The following ERBB4 variants were observed in gnomAD, a reference collection of about 807,000 sequenced individuals.
ERBB4 encodes the protein receptor tyrosine-protein kinase erbB-4.
ERBB4 carries 42 observed loss-of-function variants against 158.0 expected under a neutral mutation model. That is an observed-to-expected ratio of 0.27 (90% confidence interval 0.21 to 0.34). The LOEUF is 0.34. Ranked by LOEUF, ERBB4 falls within the 10% of genes least tolerant of loss-of-function variation. ERBB4 has a pLI of 1.00. For missense variants in ERBB4, 1,333 were observed against 1,624.1 expected (o/e 0.82, Z 3.08); for synonymous variants, 583 against 558.7 (o/e 1.04, Z -0.61).
At chr2:211,812,684 C>T (rs111786376) in intron 3 of ERBB4, among the ~76,000 whole-genome samples, 13 of 152,312 alleles carry the variant, frequency 8.5e-5, no homozygotes, top group Admixed American at 6.5e-5. Context: ...GCTGAGCTGC[C>T]GTGGGCTCCA....
chr2:211,760,007 C>T (rs1207122785), intron 4 of ERBB4, among the ~76,000 whole-genome samples: 1 of 152,058 alleles, frequency 6.6e-6, no homozygotes, highest in African/African-American at 2.4e-5. Context: ...AACTATTTTG[C>T]CTTATGAGAT....
intron 14 of ERBB4, 129 bp from the exon 15 acceptor site, chr2:211,665,606 T>C: frequency 1.2e-6 from 1 of 841,654 alleles, no homozygotes; most frequent in Non-Finnish European, 1.9e-6. Context: ...TTGGAGAACA[T>C]TTTCAGCAGT....
At chr2:212,401,400 T>A (rs1660482349) in intron 1 of ERBB4, among the ~76,000 whole-genome samples, 1 of 152,166 alleles carries the variant, frequency 6.6e-6, no homozygotes, top group Admixed American at 6.6e-5. Context: ...AATAAATGTT[T>A]TGATTAGATA....
intron 1 of ERBB4, among the ~76,000 whole-genome samples, chr2:212,299,785 G>T (rs1359585654): frequency 6.6e-6 from 1 of 151,538 alleles, no homozygotes; most frequent in Non-Finnish European, 1.5e-5. Context: ...AAAGATTGGT[G>T]AATCTTTATA....
intron 18 of ERBB4, among the ~76,000 whole-genome samples, chr2:211,623,495 G>C (rs957173424): frequency 4.6e-5 from 7 of 152,124 alleles, no homozygotes; most frequent in African/African-American, 1.7e-4. Flanking sequence ...TCCTGATGGA[G>C]AGGCGTTGGA....
At chr2:212,075,072 T>C (rs929271856) in intron 2 of ERBB4, among the ~76,000 whole-genome samples, 3 of 151,938 alleles carry the variant, frequency 2.0e-5, no homozygotes, top group Admixed American at 6.6e-5. Flanking sequence ...AACACATCTA[T>C]TCTCTTCTCA....
chr2:212,284,869 C>T (rs2085902141), intron 1 of ERBB4, among the ~76,000 whole-genome samples: 1 of 151,976 alleles, frequency 6.6e-6, no homozygotes, highest in Admixed American at 6.6e-5. Flanking sequence ...TTTATGAATA[C>T]TAAATAATTG....
intron 1 of ERBB4, among the ~76,000 whole-genome samples, chr2:212,383,847 G>A (rs1337023831): frequency 6.6e-6 from 1 of 151,588 alleles, no homozygotes; most frequent in African/African-American, 2.4e-5. Context: ...CACATGTCAG[G>A]CTTCCTAGTT....
chr2:211,839,913 T>C (rs4673637), intron 3 of ERBB4, among the ~76,000 whole-genome samples: 33,055 of 151,960 alleles, frequency 0.22, 3,725 homozygotes, highest in South Asian at 0.33. Context: ...TAAGAAGAAA[T>C]GAAACTAAGC....
At chr2:212,311,499 C>A (rs1195229722) in intron 1 of ERBB4, among the ~76,000 whole-genome samples, 4 of 150,756 alleles carry the variant, frequency 2.7e-5, no homozygotes, top group Admixed American at 6.6e-5. Context: ...AGCTATATAT[C>A]TGAATATGTC....
At chr2:212,234,824 G>GT (rs1230139608) in intron 1 of ERBB4, among the ~76,000 whole-genome samples, 24 of 152,142 alleles carry the variant, frequency 1.6e-4, no homozygotes, top group Admixed American at 5.9e-4. Context: ...TTTTTGATGG[G>GT]TTTGTTTTTT....
intron 23 of ERBB4, among the ~76,000 whole-genome samples, chr2:211,422,479 C>A (rs2063533699): frequency 7.3e-6 from 1 of 136,344 alleles, no homozygotes; most frequent in Non-Finnish European, 1.6e-5. Context: ...CTACATTTGT[C>A]CTGGTGGACA....
chr2:212,096,370 T>A (rs1231578069), intron 2 of ERBB4, among the ~76,000 whole-genome samples: 1 of 152,150 alleles, frequency 6.6e-6, no homozygotes, highest in Non-Finnish European at 1.5e-5. Context: ...GAGTATGCCA[T>A]CGTAACTACA....
chr2:212,379,601 C>T (rs2090436699), intron 1 of ERBB4, among the ~76,000 whole-genome samples: 1 of 151,450 alleles, frequency 6.6e-6, no homozygotes, highest in Non-Finnish European at 1.5e-5. Context: ...AAGTCCATTT[C>T]CACAGCTCTT....
intron 1 of ERBB4, among the ~76,000 whole-genome samples, chr2:212,126,553 C>A (rs992309924): frequency 6.6e-6 from 1 of 150,562 alleles, no homozygotes; most frequent in African/African-American, 2.4e-5. Flanking sequence ...TGCCAGAACA[C>A]AATCTTCACC....
chr2:212,032,329 T>C (rs769716679), intron 2 of ERBB4, among the ~76,000 whole-genome samples: 1 of 152,114 alleles, frequency 6.6e-6, no homozygotes, highest in Admixed American at 6.6e-5. Context: ...ATGTGTCAAG[T>C]TAATTTGCCA....
At chr2:211,556,827 G>A (rs2371310) in intron 20 of ERBB4, among the ~76,000 whole-genome samples, 108,844 of 152,032 alleles carry the variant, frequency 0.72, 40,149 homozygotes, top group African/African-American at 0.84. Flanking sequence ...AAAAGAACAA[G>A]GCTGGAGGCA....
chr2:212,148,485 A>G (rs1011865873), intron 1 of ERBB4, among the ~76,000 whole-genome samples: 5 of 152,156 alleles, frequency 3.3e-5, no homozygotes, highest in South Asian at 2.1e-4. Flanking sequence ...GGAAAGAAAC[A>G]TAAGTAATAC....
intron 19 of ERBB4, among the ~76,000 whole-genome samples, chr2:211,597,071 TACTC>T (rs888437303): frequency 1.3e-5 from 2 of 152,202 alleles, no homozygotes; most frequent in African/African-American, 4.8e-5. Context: ...CAGCCCCACT[TACTC>T]ACTCTATCGA....
Sources: gnomAD v4.1 joint callset for allele counts (sites outside exome capture counted in the v4.1 genomes callset) on GRCh38, gnomAD v4.1.1 for gene constraint, MANE v1.5 for transcripts, NCBI Gene and HGNC (gene_info 2026-07-23, HGNC 2026-07-21) for gene names.